Variants in IMPDH2 observed in about 807,000 individuals in gnomAD.
IMPDH2 encodes inosine monophosphate dehydrogenase 2, also known as inosine-5'-monophosphate dehydrogenase 2.
Under a neutral mutation model 57.8 loss-of-function variants are expected in IMPDH2, and 33 were observed. The observed-to-expected ratio is 0.57, with a 90% CI of 0.43 to 0.76. The LOEUF is 0.76. Ranked by LOEUF, IMPDH2 falls within the 30% of genes least tolerant of loss-of-function variation. The pLI is 0.00. For synonymous variants in IMPDH2, 270 were observed against 241.3 expected (o/e 1.12, Z -1.10); for missense variants, 446 against 659.1 (o/e 0.68, Z 3.54).
Position 49,025,139 on chromosome 3 carries a change from A to C in IMPDH2, c.1137T>G (p.Leu379=). 6.2e-7 allele frequency: 1 copy of C among 1,614,216 alleles called. No individual in the cohort carries two copies. Among genetic ancestry groups the C allele is most frequent in the Non-Finnish European group, 8.5e-7 (1 of 1,180,016 alleles). ...ACTGGGCCTCACCTGTGGAGGCCCC[A>C]AGGGCCAAGGCTTTCGCAATATGAC... ...NVGHIAKALA[L]GASTVMMGSL... Residue 379 remains leucine, a synonymous_variant, in exon 10 of 14, where the codon CTT becomes CTG. Transcript: ENST00000326739.
At position 49,028,313 on chromosome 3, in the gene IMPDH2, C is replaced by A; in HGVS notation, c.259G>T (p.Gly87Cys). 5 of 1,614,004 alleles carry A rather than the reference C, an allele frequency of 3.1e-6. No homozygotes were observed. Among genetic ancestry groups the A allele is most frequent in the Non-Finnish European group, 4.2e-6 (5 of 1,179,862 alleles). The change falls in exon 4 of 14, where the codon GGT (glycine) becomes TGT (cysteine). Residue 87 changes from glycine (G) to cysteine (C), a missense_variant. Coordinates refer to ENST00000326739, the MANE Select transcript of IMPDH2 (RefSeq NM_000884.3). ...CAGTTGTGGTGGATGAAGCCAATAC[C>A]GCCTGTAAGCTACAGGATAAAAAGA... is the stretch of plus-strand genomic sequence containing the variant. ...GMAIAMALTG[G>C]IGFIHHNCTP... is the part of the protein sequence containing the mutation.
chr3:49,029,177 C>G (rs2093214006), intron 1 of IMPDH2, 76 bp downstream of exon 1: 1 of 1,241,848 alleles, frequency 8.1e-7, no homozygotes, highest in African/African-American at 1.5e-5. Context: ...CAAGGCGGCT[C>G]TCGGAAGCCC....
rs749793403 is a variant in IMPDH2 at position 49,027,764 on chromosome 3, G to A, written c.477C>T (p.Ser159=). The part of the protein sequence containing the change: ...RMGSRLVGII[S]SRDIDFLKEE... ...CTTTGAGAAAATCAATGTCCCTGGA[G>A]GAGATGATGCCCACCAAGCGGCTCC... Residue 159 remains serine (S), a synonymous_variant, in exon 5 of 14, where the codon TCC becomes TCT. Transcript: ENST00000326739. 2.5e-6 allele frequency: 4 copies of A among 1,614,230 alleles called. No homozygotes were observed. Among genetic ancestry groups the A allele is most frequent in the African/African-American group, 1.3e-5 (1 of 75,056 alleles).
chr3:49,028,283 G>T lies in IMPDH2; in HGVS notation c.289C>A (p.Pro97Thr). Residue 97 changes from proline (P) to threonine (T), a missense_variant, in exon 4 of 14, where the codon CCT (proline) becomes ACT (threonine). Coordinates refer to ENST00000326739, the MANE Select transcript of IMPDH2 (RefSeq NM_000884.3). ...GIGFIHHNCT[P>T]EFQANEVRKV... is the part of the protein sequence containing the mutation. ...CGAACTTCATTGGCCTGGAATTCAG[G>T]TGTACAGTTGTGGTGGATGAAGCCA... is the stretch of plus-strand genomic sequence containing the variant. The T allele has an allele frequency of 6.2e-7, 1 of 1,614,206 alleles. No individual in the cohort carries two copies. The highest frequency in any genetic ancestry group is 8.5e-7 in the Non-Finnish European group (1 of 1,180,044).
In IMPDH2 at chr3:49,024,575, G is replaced by A. The variant is rs772233869; in HGVS notation, c.1443C>T (p.Ala481=). ...ACTTAAGCTCCCCAGAGTACATCAT[G>A]GCTCTGAAGAAGGGCAGAGGTCAAA... The part of the protein sequence containing the change: ...IGAKSLTQVR[A]MMYSGELKFE... Residue 481 remains alanine, a synonymous_variant, in exon 13 of 14, where the codon GCC becomes GCT. Coordinates refer to ENST00000326739, the MANE Select transcript of IMPDH2 (RefSeq NM_000884.3). 5 of 1,614,082 alleles carry A rather than the reference G, an allele frequency of 3.1e-6. No individual in the cohort carries two copies. The highest frequency in any genetic ancestry group is 1.1e-5 in the South Asian group (1 of 91,084).
At position 49,029,277 on chromosome 3, in the gene IMPDH2, T is replaced by C. The variant is rs1456655982; in HGVS notation, c.74A>G (p.Asn25Ser). The C allele has an allele frequency of 4.4e-6, 7 of 1,607,880 alleles. No homozygotes were observed. The highest frequency in any genetic ancestry group is 3.4e-5 in the Admixed American group (2 of 58,884). Residue 25 changes from asparagine to serine, a missense_variant, in exon 1 of 14, where the codon AAC becomes AGC. Physicochemically the swap from Asn to Ser is conservative, Grantham distance 46. Transcript: ENST00000326739. Reference protein sequence around the residue: ...DDGLTAQQLFNCGDGLTYNDF... With the variant: ...DDGLTAQQLFSCGDGLTYNDF... ...CTTGTAGGTGAGGCCGTCTCCGCAG[T>C]TGAAGAGCTGCTGTGCTGTGAGTCC... is the stretch of plus-strand genomic sequence containing the variant.
chr3:49,027,088 C>T, intron 5 of IMPDH2, 41 bp from the exon 6 acceptor site: 1 of 1,426,520 alleles, frequency 7.0e-7, no homozygotes, highest in Non-Finnish European at 9.9e-7. Context: ...CAGTCATCGA[C>T]TATGACCAGT....
At chr3:49,025,476 G>A (rs1487823571) in intron 9 of IMPDH2, 12 of 592,604 alleles carry the variant, frequency 2.0e-5, no homozygotes, top group South Asian at 1.5e-4. Flanking sequence ...ACCCCCACAT[G>A]TGCACGTGCA....
chr3:49,024,958 A>T lies in IMPDH2; in HGVS notation c.1233T>A (p.Tyr411Ter). ...TGGCATCGAGAGAACCCATACCGCG[A>T]TATTTCTTTAGCCGGATCCCATCGG... ...FFSDGIRLKK[Y>*]RGMGSLDAMD... is the part of the protein sequence containing the mutation. The change falls in exon 11 of 14, where the codon TAT becomes TAA. Residue 411 changes from tyrosine (Y) to a stop codon, truncating the protein, a stop_gained. Transcript: ENST00000326739. LOFTEE classifies it high-confidence loss of function. 1 of 1,614,194 alleles carries T rather than the reference A, an allele frequency of 6.2e-7. No individual in the cohort carries two copies. The highest frequency in any genetic ancestry group is 8.5e-7 in the Non-Finnish European group (1 of 1,180,036).
chr3:49,028,464 T>A lies in IMPDH2; in HGVS notation c.216A>T (p.Thr72=). Reference sequence around the variant, plus strand: ...CTATGGCCATCCCAGCCTCTGTGACTGTGTCCATGGGAGAGGAAACCAGTG... The same window carrying A: ...CTATGGCCATCCCAGCCTCTGTGACAGTGTCCATGGGAGAGGAAACCAGTG... The part of the protein sequence containing the change: ...KTPLVSSPMD[T]VTEAGMAIAM... Residue 72 remains threonine, a synonymous_variant, in exon 3 of 14, where the codon ACA becomes ACT. Transcript: ENST00000326739. 1 of 1,614,134 alleles carries A rather than the reference T, an allele frequency of 6.2e-7. No individual in the cohort carries two copies. The highest frequency in any genetic ancestry group is 8.5e-7 in the Non-Finnish European group (1 of 1,179,994).
At chr3:49,028,125 C>T (rs2093207335) in intron 4 of IMPDH2, 123 bp downstream of exon 4, 1 of 909,504 alleles carries the variant, frequency 1.1e-6, no homozygotes, top group Non-Finnish European at 1.8e-6. Flanking sequence ...TCAGGGTCTT[C>T]TCAGTAACTG....
chr3:49,028,765 TC>T lies in IMPDH2; in HGVS notation c.139del (p.Asp47ThrfsTer5), dbSNP rs1261028440. On this transcript the variant is annotated frameshift_variant, in exon 2 of 14. Transcript: ENST00000326739. LOFTEE classifies it high-confidence loss of function. ...ATTCCTGATCATACTCACCACCTGGTCTGCAGTGAAGTCGATGTACCCAGGG... is the reference window on the plus strand; with the variant it reads ...ATTCCTGATCATACTCACCACCTGGTTGCAGTGAAGTCGATGTACCCAGGG... Reference protein sequence around the residue: ...ILPGYIDFTADQVDLTSALTK... With the variant: ...ILPGYIDFTAXQVDLTSALTK... 5 of 1,613,414 alleles carry T rather than the reference TC, an allele frequency of 3.1e-6. No homozygotes were observed. Among genetic ancestry groups the T allele is most frequent in the Non-Finnish European group, 4.2e-6 (5 of 1,179,388 alleles).
At chr3:49,028,365 G>A in intron 3 of IMPDH2, 43 bp from the exon 4 acceptor site, 3 of 1,607,988 alleles carry the variant, frequency 1.9e-6, no homozygotes, top group Non-Finnish European at 2.6e-6. Context: ...CAAGAAGCAG[G>A]ACTGAATGCC....
In IMPDH2 at chr3:49,024,332, T is replaced by G; in HGVS notation, c.*51A>C. On this transcript the variant is annotated 3_prime_UTR_variant, in exon 14 of 14. Transcript: ENST00000326739. ...TGAAAGATCAGGCATCACTTTTTTC[T>G]TTCTAAACTTTTATTGAAAAAAAAA... 6.2e-7 allele frequency: 1 copy of G among 1,606,184 alleles called. No individual in the cohort carries two copies. Among genetic ancestry groups the G allele is most frequent in the Non-Finnish European group, 8.5e-7 (1 of 1,173,320 alleles).
At chr3:49,027,381 A>C (rs1296429478) in intron 5 of IMPDH2, among the ~76,000 whole-genome samples, 1 of 152,188 alleles carries the variant, frequency 6.6e-6, no homozygotes, top group African/African-American at 2.4e-5. Flanking sequence ...GATGAGTAGA[A>C]AGGACAACAT....
intron 2 of IMPDH2, 44 bp downstream of exon 2, chr3:49,028,714 T>G: frequency 6.5e-7 from 1 of 1,544,220 alleles, no homozygotes; most frequent in South Asian, 1.1e-5. Flanking sequence ...AGTAGCACCT[T>G]AGCTCACCTT....
rs1422557723 is a variant in IMPDH2, at chr3:49,024,731, A to C, written c.1367T>G (p.Phe456Cys). ...AVQDKGSIHK[F>C]VPYLIAGIQH... ...GATGCCAGCAATCAGGTAAGGGACA[A>C]ATTTGTGGATTGACCCTTTGTCCTG... The change falls in exon 12 of 14, where the codon TTT becomes TGT. Residue 456 changes from phenylalanine (F) to cysteine (C), a missense_variant. Phe to Cys is a radical substitution (Grantham distance 205). Coordinates refer to ENST00000326739, the MANE Select transcript of IMPDH2 (RefSeq NM_000884.3). 6.2e-7 allele frequency: 1 copy of C among 1,614,118 alleles called. No individual in the cohort carries two copies. Among genetic ancestry groups the C allele is most frequent in the Non-Finnish European group, 8.5e-7 (1 of 1,180,022 alleles).
Position 49,027,902 on chromosome 3 carries a change from T to C in IMPDH2, c.339A>G (p.Gly113=), listed in dbSNP as rs147129976. 1 of 1,613,414 alleles carries C rather than the reference T, an allele frequency of 6.2e-7. No homozygotes were observed. Among genetic ancestry groups the C allele is most frequent in the South Asian group, 1.1e-5 (1 of 91,028 alleles). Residue 113 remains glycine, a synonymous_variant, in exon 5 of 14, where the codon GGA becomes GGG. Transcript: ENST00000326739. Reference sequence around the variant, plus strand: ...TGAGGACCACAGGGTCTGTGATGAATCCCTGTTCATATTTCTGGAAAGGGA... The same window carrying C: ...TGAGGACCACAGGGTCTGTGATGAACCCCTGTTCATATTTCTGGAAAGGGA... The part of the protein sequence containing the change: ...EVRKVKKYEQ[G]FITDPVVLSP...
At chr3:49,026,273 G>A (rs2106785443) in intron 9 of IMPDH2, 51 bp downstream of exon 9, 1 of 1,314,458 alleles carries the variant, frequency 7.6e-7, no homozygotes, top group East Asian at 2.5e-5. Context: ...TCCAAGGTAT[G>A]TGGGGCCTGA....
Sources: gnomAD v4.1 joint callset for allele counts (sites outside exome capture counted in the v4.1 genomes callset) on GRCh38, gnomAD v4.1.1 for gene constraint, MANE v1.5 for transcripts, NCBI Gene and HGNC (gene_info 2026-07-23, HGNC 2026-07-21) for gene names.